SORBS2: variants seen among roughly 807,000 people sequenced by gnomAD.
SORBS2 encodes the protein sorbin and SH3 domain containing 2, also known as sorbin and SH3 domain-containing protein 2.
Under a neutral mutation model 97.7 loss-of-function variants are expected in SORBS2, and 46 were observed. That is an observed-to-expected ratio of 0.47 (90% CI 0.37 to 0.60). The LOEUF (loss-of-function observed/expected upper bound fraction) is 0.60, where lower values mean the gene tolerates loss of function less well. SORBS2 is among the 20% of genes least tolerant of loss of function. The pLI is 0.00. For missense variants in SORBS2, 1,316 were observed against 1,282.3 expected (o/e 1.03, Z -0.40); for synonymous variants, 476 against 473.4 (o/e 1.01, Z -0.07).
chr4:185,736,886 G>C (rs1002867002), intron 2 of SORBS2, among the ~76,000 whole-genome samples: 3 of 152,168 alleles, frequency 2.0e-5, no homozygotes, highest in East Asian at 1.9e-4. Context: ...AACAAGCAAG[G>C]CTGCTCCATT....
chr4:185,657,088 C>A (rs1434719651), upstream of SORBS2: 12 of 348,396 alleles, frequency 3.4e-5, no homozygotes, highest in Non-Finnish European at 5.3e-5. Flanking sequence ...TGTCTTGTTC[C>A]TTCTCTTTTC....
At chr4:185,673,923 T>G (rs1357569580) in intron 4 of SORBS2, among the ~76,000 whole-genome samples, 1 of 152,194 alleles carries the variant, frequency 6.6e-6, no homozygotes, top group Non-Finnish European at 1.5e-5. Context: ...GGATGCCACA[T>G]TTTCCCAGAT....
intron 4 of SORBS2, chr4:185,665,790 C>T: frequency 9.1e-7 from 1 of 1,100,498 alleles, no homozygotes; most frequent in Non-Finnish European, 1.1e-6. Flanking sequence ...ACCTCTGACC[C>T]CAGGTGGGGG....
chr4:185,759,743 T>A (rs535597354), intron 2 of SORBS2, among the ~76,000 whole-genome samples: 1 of 152,340 alleles, frequency 6.6e-6, no homozygotes, highest in South Asian at 2.1e-4. Flanking sequence ...TAAATGGTGA[T>A]GTTTTAGATA....
chr4:185,731,046 T>A (rs977953464), intron 2 of SORBS2, among the ~76,000 whole-genome samples: 1 of 152,270 alleles, frequency 6.6e-6, no homozygotes, highest in African/African-American at 2.4e-5. Context: ...TCTAGGTTTT[T>A]CTCATGGTCA....
chr4:185,939,995 C>G (rs536650447), intron 1 of SORBS2, among the ~76,000 whole-genome samples: 1 of 152,168 alleles, frequency 6.6e-6, no homozygotes. Context: ...CCAGATGAGC[C>G]GCACCCTCTT....
At chr4:185,745,087 T>G (rs887564567) in intron 2 of SORBS2, among the ~76,000 whole-genome samples, 3 of 152,198 alleles carry the variant, frequency 2.0e-5, no homozygotes, top group African/African-American at 7.2e-5. Flanking sequence ...CCCTGTGTGA[T>G]GCAGGTGGCT....
intron 1 of SORBS2, among the ~76,000 whole-genome samples, chr4:185,891,377 G>T (rs141214849): frequency 6.6e-6 from 1 of 152,078 alleles, no homozygotes; most frequent in South Asian, 2.1e-4. Context: ...AAACCTACAC[G>T]GCCTTTGCAA....
intron 4 of SORBS2, among the ~76,000 whole-genome samples, chr4:185,664,770 A>G (rs568952089): frequency 4.6e-5 from 7 of 152,338 alleles, no homozygotes; most frequent in African/African-American, 1.7e-4. Context: ...TGCGCATAAA[A>G]TTTGCAGACT....
chr4:185,589,616 G>A (rs2095873008), intron 14 of SORBS2, 63 bp downstream of exon 26: 2 of 890,474 alleles, frequency 2.2e-6, no homozygotes, highest in East Asian at 2.5e-5. Context: ...CAAACCACGG[G>A]AGTGAGCAAA....
intron 2 of SORBS2, among the ~76,000 whole-genome samples, chr4:185,758,938 C>A (rs2098847065): frequency 6.6e-6 from 1 of 152,178 alleles, no homozygotes; most frequent in East Asian, 1.9e-4. Flanking sequence ...TGTTTTGAGC[C>A]CCTTTTACTC....
chr4:185,585,528 T>G (rs1376064084), exon 15 of SORBS2: 4 of 152,234 alleles, frequency 2.6e-5, no homozygotes, highest in Non-Finnish European at 4.4e-5. Context: ...TGAAGTATAC[T>G]TCCAAGCAAA....
At chr4:185,898,556 T>C (rs879662697) in intron 1 of SORBS2, among the ~76,000 whole-genome samples, 1 of 152,218 alleles carries the variant, frequency 6.6e-6, no homozygotes, top group Non-Finnish European at 1.5e-5. Flanking sequence ...TGCTTGGGGT[T>C]AGTCAGTAAC....
At chr4:185,717,627 T>C (rs2098476980) in intron 2 of SORBS2, among the ~76,000 whole-genome samples, 1 of 152,090 alleles carries the variant, frequency 6.6e-6, no homozygotes, top group South Asian at 2.1e-4. Flanking sequence ...TACCACAAAC[T>C]GAGGAGTGTA....
Position 185,623,587 on chromosome 4 carries a change from G to A in SORBS2, c.1542C>T (p.Tyr514=), listed in dbSNP as rs1462394405. ...AGAAGGATGACCCCTCTAGGTGAAT[G>A]TAGTCACTGTGGTCGGACACAACCC... The change falls in exon 7 of 15, where the codon TAC becomes TAT. Residue 514 remains tyrosine, a synonymous_variant. Transcript: ENST00000418609. The surrounding 1 kb of genome is among the most constrained non-coding windows in gnomAD (Gnocchi z 6.4). 6.2e-7 allele frequency: 1 copy of A among 1,614,142 alleles called. No homozygotes were observed. The highest frequency in any genetic ancestry group is 1.1e-5 in the South Asian group (1 of 91,078).
intron 1 of SORBS2, among the ~76,000 whole-genome samples, chr4:185,916,985 A>T (rs1312144151): frequency 1.3e-5 from 2 of 152,146 alleles, no homozygotes; most frequent in Admixed American, 1.3e-4. Flanking sequence ...TTTTGGCCCC[A>T]CCCCAACCTC....
At chr4:185,754,217 T>G (rs10027770) in intron 2 of SORBS2, among the ~76,000 whole-genome samples, 48,361 of 152,012 alleles carry the variant, frequency 0.32, 8,082 homozygotes, top group African/African-American at 0.4. Flanking sequence ...AAATTCTACA[T>G]GTTCTCAAGT....
chr4:185,944,265 T>C lies in SORBS2; in HGVS notation c.-338+11931A>G, dbSNP rs1202224921. ...ATGCTTTCGGGGCCCCAAATAGAGATGAGAAGCACCCACTTAAAGCCACTG... is the reference window on the plus strand; with the variant it reads ...ATGCTTTCGGGGCCCCAAATAGAGACGAGAAGCACCCACTTAAAGCCACTG... On this transcript the variant is annotated intron_variant, in intron 1 of 20. Transcript: ENST00000284776. 3.3e-5 allele frequency among the ~76,000 whole-genome samples: 5 copies of C among 152,162 alleles called. No homozygotes were observed. The East Asian group carries it at 5.8e-4, about 18-fold the overall frequency.
Position 185,812,265 on chromosome 4 carries a change from C to G in SORBS2, c.-337-36899G>C, listed in dbSNP as rs1223380201. ...GCTGCAGACAGCTCATTGGGTTCCA[C>G]TGGCTTTTCGTAGCCATAGCAACAA... On this transcript the variant is annotated intron_variant, in intron 1 of 20. Transcript: ENST00000284776. 4 of 152,276 alleles carry G rather than the reference C, an allele frequency of 2.6e-5. No homozygotes were observed. In the East Asian group the frequency reaches 7.7e-4, roughly 29 times the overall value. The allele number at this position is 152,276 out of a possible 1,614,324, so 9.4% of individuals were successfully genotyped here.
Sources: gnomAD v4.1 joint callset for allele counts (sites outside exome capture counted in the v4.1 genomes callset) on GRCh38, gnomAD v4.1.1 for gene constraint, Gnocchi (gnomAD v3.1) non-coding constraint, MANE v1.5 for transcripts, NCBI Gene and HGNC (gene_info 2026-07-23, HGNC 2026-07-21) for gene names.